The following NAV1 variants were observed in gnomAD, a reference collection of about 807,000 sequenced individuals.
The protein encoded by NAV1 is pore membrane and/or filament interacting like protein 3.
Under a neutral mutation model 175.2 loss-of-function variants are expected in NAV1, and 18 were observed. The ratio of observed to expected loss-of-function variants is 0.10; its 90% CI spans 0.07 to 0.15. NAV1 has a LOEUF of 0.15. Among genes scored for constraint, NAV1 ranks in the 10% least tolerant of loss-of-function variants. The probability of loss-of-function intolerance (pLI) is 1.00; values close to 1 mark genes in which losing one functional copy is unlikely to be tolerated. For missense variants in NAV1, 1,731 were observed against 2,436.6 expected (o/e 0.71, Z 6.10); for synonymous variants, 897 against 978.7 (o/e 0.92, Z 1.56).
chr1:201,790,638 AT>A, intron 12 of NAV1, 50 bp from the exon 17 acceptor site: 1 of 1,613,718 alleles, frequency 6.2e-7, no homozygotes. Context: ...TTCCTTCCAA[AT>A]CTTATACAGC....
chr1:201,585,809 T>C (rs980777104), intron 1 of NAV1, among the ~76,000 whole-genome samples: 1 of 152,084 alleles, frequency 6.6e-6, no homozygotes, highest in African/African-American at 2.4e-5. Context: ...GCACAGAAAG[T>C]AACAAGCATT....
chr1:201,778,958 G>C (rs953452773), intron 3 of NAV1, among the ~76,000 whole-genome samples: 9 of 152,162 alleles, frequency 5.9e-5, no homozygotes, highest in African/African-American at 2.2e-4. Flanking sequence ...AACCTACTCT[G>C]CACACAGATA....
chr1:201,724,424 C>T (rs973427899), intron 3 of NAV1: 1 of 152,226 alleles, frequency 6.6e-6, no homozygotes, highest in African/African-American at 2.4e-5. Context: ...GGCCCTCCAT[C>T]TTCTCCCTAC....
At chr1:201,696,835 G>T (rs1671211008) in intron 1 of NAV1, among the ~76,000 whole-genome samples, 1 of 152,160 alleles carries the variant, frequency 6.6e-6, no homozygotes, top group Non-Finnish European at 1.5e-5. Flanking sequence ...TATAAAATCG[G>T]AGTACTCATA....
rs185117944 is a variant in NAV1, at chr1:201,634,011, A to G, written c.4+4504A>G. The stretch of plus-strand genomic sequence containing the variant: ...CACTTACCGTGGCTTACTGTGAACC[A>G]GGCATTGTTATAAGCACCTTTAATC... On this transcript the variant is annotated intron_variant, in intron 2 of 29. Coordinates refer to the NAV1 transcript ENST00000367302. Among the ~76,000 whole-genome samples, 344 of 152,300 alleles carry G rather than the reference A, an allele frequency of 2.3e-3. 2 individuals carry two copies. The highest frequency in any genetic ancestry group is 8.0e-3 in the African/African-American group (331 of 41,568).
chr1:201,700,710 A>G (rs1271139359), intron 1 of NAV1, among the ~76,000 whole-genome samples: 2 of 152,186 alleles, frequency 1.3e-5, no homozygotes, highest in African/African-American at 4.8e-5. Context: ...GATAGACTGG[A>G]TTAAGAAAAT....
At chr1:201,666,588 G>A (rs922409430) in intron 1 of NAV1, among the ~76,000 whole-genome samples, 3 of 152,184 alleles carry the variant, frequency 2.0e-5, no homozygotes, top group Admixed American at 1.3e-4. Flanking sequence ...AGTGATGGGC[G>A]GAGGAAGCCA....
chr1:201,745,404 T>G (rs1673705761), intron 3 of NAV1, among the ~76,000 whole-genome samples: 1 of 152,168 alleles, frequency 6.6e-6, no homozygotes, highest in Non-Finnish European at 1.5e-5. Context: ...TCCTACTTAG[T>G]GTATTGTTGC....
intron 1 of NAV1, among the ~76,000 whole-genome samples, chr1:201,675,901 C>CATAA (rs1670231658): frequency 6.6e-6 from 1 of 152,250 alleles, no homozygotes; most frequent in African/African-American, 2.4e-5. Flanking sequence ...TGGCCGGCCT[C>CATAA]ATAAATCATC....
At chr1:201,580,533 G>A (rs572313232) in intron 1 of NAV1, among the ~76,000 whole-genome samples, 2 of 152,344 alleles carry the variant, frequency 1.3e-5, no homozygotes, top group South Asian at 2.1e-4. Context: ...ACCACTTTGG[G>A]AGGCTGAGGC....
At chr1:201,650,217 C>A (rs1253917699) in intron 1 of NAV1, among the ~76,000 whole-genome samples, 1 of 152,214 alleles carries the variant, frequency 6.6e-6, no homozygotes, top group Non-Finnish European at 1.5e-5. Context: ...AGGAAGCGCG[C>A]AGAGCTGTTC....
At chr1:201,747,194 G>A (rs1400700193) in intron 3 of NAV1, among the ~76,000 whole-genome samples, 1 of 152,088 alleles carries the variant, frequency 6.6e-6, no homozygotes, top group Admixed American at 6.5e-5. Context: ...GTCCTCCTGG[G>A]CCCCCATTCT....
At chr1:201,709,205 G>A (rs970765263) in intron 1 of NAV1, among the ~76,000 whole-genome samples, 9 of 151,508 alleles carry the variant, frequency 5.9e-5, no homozygotes, top group Admixed American at 3.3e-4. Context: ...ACAGAGTAGC[G>A]GAAGCCCTAG....
chr1:201,734,559 T>A (rs561137227), intron 3 of NAV1, among the ~76,000 whole-genome samples: 2 of 120,228 alleles, frequency 1.7e-5, no homozygotes, highest in South Asian at 2.4e-4. Context: ...CTCAATACAT[T>A]GTATGAGGTT....
At chr1:201,645,368 A>AC (rs1668942199), upstream of NAV1, among the ~76,000 whole-genome samples, 1 of 127,432 alleles carries the variant, frequency 7.8e-6, no homozygotes, top group African/African-American at 3.0e-5. Context: ...ACATGGACAC[A>AC]GGAAGGGGAA....
chr1:201,753,009 G>A (rs574105395), intron 3 of NAV1, among the ~76,000 whole-genome samples: 30 of 152,178 alleles, frequency 2.0e-4, no homozygotes, highest in Non-Finnish European at 2.4e-4. Context: ...GTTTTGGGGG[G>A]AACGAGGGGC....
rs1429954876 is a variant in NAV1, at chr1:201,787,947, T to C, written c.2996-521T>C. On this transcript the variant is annotated intron_variant, in intron 9 of 29. Coordinates refer to ENST00000367296, the Ensembl canonical transcript of NAV1. The surrounding 1 kb of genome is among the most constrained non-coding windows in gnomAD (Gnocchi z 4.3). ...CCAACCCAGTCACTCAGAGTGACACTACTTTGTGGGGAGATTCTCACGCCC... is the reference window on the plus strand; with the variant it reads ...CCAACCCAGTCACTCAGAGTGACACCACTTTGTGGGGAGATTCTCACGCCC... 2.0e-5 allele frequency among the ~76,000 whole-genome samples: 3 copies of C among 152,204 alleles called. No individual in the cohort carries two copies. The highest frequency in any genetic ancestry group is 2.9e-5 in the Non-Finnish European group (2 of 68,038).
chr1:201,687,259 G>C (rs1467067627), intron 1 of NAV1, among the ~76,000 whole-genome samples: 1 of 152,150 alleles, frequency 6.6e-6, no homozygotes, highest in African/African-American at 2.4e-5. Flanking sequence ...TCCCCCAGGG[G>C]GAAGTGGCTG....
intron 1 of NAV1, among the ~76,000 whole-genome samples, chr1:201,586,513 G>A (rs563252204): frequency 6.6e-6 from 1 of 152,090 alleles, no homozygotes; most frequent in Non-Finnish European, 1.5e-5. Flanking sequence ...CAGTTCTGGA[G>A]TCTGGAAGTC....
Sources: gnomAD v4.1 joint callset for allele counts (sites outside exome capture counted in the v4.1 genomes callset) on GRCh38, gnomAD v4.1.1 for gene constraint, Gnocchi (gnomAD v3.1) non-coding constraint, MANE v1.5 for transcripts, NCBI Gene and HGNC (gene_info 2026-07-23, HGNC 2026-07-21) for gene names.